Variants in NKAIN2 observed in about 807,000 individuals in gnomAD.
NKAIN2 encodes the protein sodium/potassium transporting ATPase interacting 2, also known as sodium/potassium-transporting ATPase subunit beta-1-interacting protein 2.
In NKAIN2, 14 loss-of-function variants were observed where a neutral mutation model predicts 32.6. That is an observed-to-expected ratio of 0.43 (90% CI 0.28 to 0.67). The LOEUF (loss-of-function observed/expected upper bound fraction) is 0.67. Ranked by LOEUF, NKAIN2 falls within the 30% of genes least tolerant of loss-of-function variation. The pLI is 0.17. For synonymous variants in NKAIN2, 80 were observed against 87.2 expected, an observed-to-expected ratio of 0.92 and a Z score of 0.46; for missense variants, 198 against 258.3, an observed-to-expected ratio of 0.77 and a Z score of 1.60.
chr6:124,425,598 A>G (rs1774947767), intron 3 of NKAIN2, among the ~76,000 whole-genome samples: 1 of 152,144 alleles, frequency 6.6e-6, no homozygotes, highest in Non-Finnish European at 1.5e-5. Context: ...ACAACACAGT[A>G]GCAAAAAAAT....
At chr6:124,709,417 C>A (rs1775304650) in intron 4 of NKAIN2, among the ~76,000 whole-genome samples, 1 of 151,346 alleles carries the variant, frequency 6.6e-6, no homozygotes, top group African/African-American at 2.4e-5. Flanking sequence ...AGGAATGGTA[C>A]CAGTTCCTCC....
intron 4 of NKAIN2, among the ~76,000 whole-genome samples, chr6:124,731,636 C>A (rs1260696068): frequency 6.7e-6 from 1 of 150,368 alleles, no homozygotes; most frequent in Non-Finnish European, 1.5e-5. Flanking sequence ...GTGCAGTGCA[C>A]CAGCATGGCA....
At chr6:124,075,863 T>C (rs917886814) in intron 1 of NKAIN2, among the ~76,000 whole-genome samples, 15 of 152,206 alleles carry the variant, frequency 9.9e-5, no homozygotes, top group African/African-American at 3.6e-4. Flanking sequence ...CTCAAACTGC[T>C]GTGATTACAG....
chr6:123,960,590 C>T (rs1268923210), intron 1 of NKAIN2, among the ~76,000 whole-genome samples: 3 of 151,920 alleles, frequency 2.0e-5, no homozygotes, highest in Non-Finnish European at 4.4e-5. Flanking sequence ...CCTAAGATGG[C>T]CTTTTCAATA....
chr6:124,684,805 C>T (rs1017742329), intron 4 of NKAIN2, among the ~76,000 whole-genome samples: 11 of 152,142 alleles, frequency 7.2e-5, no homozygotes, highest in Non-Finnish European at 1.5e-4. Context: ...AGGGAAATGC[C>T]AATAACAATA....
chr6:124,735,462 T>A (rs183854399), intron 4 of NKAIN2, among the ~76,000 whole-genome samples: 124 of 152,068 alleles, frequency 8.2e-4, no homozygotes, highest in African/African-American at 2.8e-3. Flanking sequence ...TGTTATCAAG[T>A]ACAGAGTTAA....
chr6:124,306,882 T>C (rs1796524552), intron 2 of NKAIN2, among the ~76,000 whole-genome samples: 1 of 152,138 alleles, frequency 6.6e-6, no homozygotes, highest in African/African-American at 2.4e-5. Flanking sequence ...TAAGGCACAA[T>C]ACAATCAGCC....
chr6:123,844,539 A>G (rs944339575), intron 1 of NKAIN2, among the ~76,000 whole-genome samples: 4 of 152,134 alleles, frequency 2.6e-5, no homozygotes, highest in Non-Finnish European at 1.5e-5. Context: ...ACCTATACAC[A>G]TGTTTTCTGA....
intron 3 of NKAIN2, among the ~76,000 whole-genome samples, chr6:124,623,169 T>C (rs957317782): frequency 2.6e-5 from 4 of 152,156 alleles, no homozygotes; most frequent in Non-Finnish European, 5.9e-5. Flanking sequence ...ATGGAGATAA[T>C]TGGGGAGGCA....
chr6:124,732,745 A>T (rs1776745949), intron 4 of NKAIN2, among the ~76,000 whole-genome samples: 2 of 151,992 alleles, frequency 1.3e-5, no homozygotes, highest in African/African-American at 2.4e-5. Context: ...CTCAATTTTT[A>T]AGAATTCTTA....
At chr6:124,534,504 T>C (rs975578661) in intron 3 of NKAIN2, among the ~76,000 whole-genome samples, 3 of 152,356 alleles carry the variant, frequency 2.0e-5, no homozygotes, top group African/African-American at 7.2e-5. Context: ...GCCCAACGCC[T>C]TGTGGGGATC....
chr6:124,213,642 A>G (rs1244097232), intron 1 of NKAIN2, among the ~76,000 whole-genome samples: 1 of 152,146 alleles, frequency 6.6e-6, no homozygotes, highest in Non-Finnish European at 1.5e-5. Context: ...TAAAAAATGT[A>G]TGCATGTATT....
intron 3 of NKAIN2, among the ~76,000 whole-genome samples, chr6:124,356,323 A>C (rs12210555): frequency 0.15 from 23,045 of 152,200 alleles, 2,248 homozygotes; most frequent in Admixed American, 0.27. Flanking sequence ...ATGATCTTAC[A>C]TGCAGGAGTT....
At position 124,523,173 on chromosome 6, in the gene NKAIN2, T is replaced by G. The variant is rs558958576; in HGVS notation, c.274-135013T>G. On this transcript the variant is annotated intron_variant, in intron 3 of 6. Transcript: ENST00000368417. Reference sequence around the variant, plus strand: ...AAAAAAAAGAAAAAAGATCTTTAACTGAATTTTTTTTCTATCTAACTATTC... The same window carrying G: ...AAAAAAAAGAAAAAAGATCTTTAACGGAATTTTTTTTCTATCTAACTATTC... Among the ~76,000 whole-genome samples the G allele has an allele frequency of 1.5e-3, 226 of 151,350 alleles. 1 individual carries two copies. The highest frequency in any genetic ancestry group is 5.2e-3 in the African/African-American group (216 of 41,312).
intron 1 of NKAIN2, among the ~76,000 whole-genome samples, chr6:124,169,691 T>A (rs1207463758): frequency 6.6e-6 from 1 of 152,136 alleles, no homozygotes; most frequent in African/African-American, 2.4e-5. Flanking sequence ...TGCGTATGTT[T>A]TTTTTCTCCA....
At chr6:124,767,908 C>T (rs751050762) in intron 4 of NKAIN2, among the ~76,000 whole-genome samples, 5 of 152,200 alleles carry the variant, frequency 3.3e-5, no homozygotes, top group Non-Finnish European at 7.3e-5. Flanking sequence ...TATATTTCAG[C>T]ACATGATGCT....
chr6:124,716,025 T>C (rs995487152), intron 4 of NKAIN2, among the ~76,000 whole-genome samples: 4 of 152,314 alleles, frequency 2.6e-5, no homozygotes, highest in Non-Finnish European at 5.9e-5. Context: ...TTTTGTTCTC[T>C]CTTTTCACAG....
chr6:124,806,819 A>AGGATGG, intron 5 of NKAIN2, among the ~76,000 whole-genome samples: 6 of 151,654 alleles, frequency 4.0e-5, no homozygotes, highest in South Asian at 2.1e-4. Flanking sequence ...GGAAAACAAA[A>AGGATGG]AAAGGCAGGG....
At position 124,278,650 on chromosome 6, in the gene NKAIN2, CATATATATATATATATAT is replaced by C. The variant is rs57008229; in HGVS notation, c.55-4332_55-4315del. Among the ~76,000 whole-genome samples, 231 of 68,992 alleles carry C rather than the reference CATATATATATATATATAT, an allele frequency of 3.3e-3. 6 individuals are homozygous for C. The highest frequency in any genetic ancestry group is 0.023 in the Middle Eastern group (2 of 88). 45.3% of individuals were successfully genotyped at this position (68,992 alleles called of 152,430 possible). On this transcript the variant is annotated intron_variant, in intron 1 of 6. Coordinates refer to ENST00000368417, the MANE Select transcript of NKAIN2 (RefSeq NM_001040214.3). ...CACACAAACACACATATACATAGCT[CATATATATATATATATAT>C]ATATATATATATATATATATATGCT... is the stretch of plus-strand genomic sequence containing the variant.
Sources: gnomAD v4.1 joint callset for allele counts (sites outside exome capture counted in the v4.1 genomes callset) on GRCh38, gnomAD v4.1.1 for gene constraint, MANE v1.5 for transcripts, NCBI Gene and HGNC (gene_info 2026-07-23, HGNC 2026-07-21) for gene names.